UBQLN4: variants seen among roughly 807,000 people sequenced by gnomAD.
UBQLN4 encodes the protein ubiquilin 4.
A neutral mutation model predicts 60.4 loss-of-function variants in UBQLN4; 11 were observed. The ratio of observed to expected loss-of-function variants is 0.18; its 90% CI spans 0.11 to 0.30. The LOEUF is 0.30. Among genes scored for constraint, UBQLN4 ranks in the 10% least tolerant of loss-of-function variants. The pLI is 1.00. For synonymous variants in UBQLN4, 258 were observed against 313.1 expected (o/e 0.82, Z 1.86); for missense variants, 417 against 795.5 (o/e 0.52, Z 5.72).
chr1:156,031,974 ATCAAATATGAACAAGCAGGATTGT>A (rs147767244), downstream of UBQLN4, among the ~76,000 whole-genome samples: 196 of 148,638 alleles, frequency 1.3e-3, 1 homozygote, highest in Non-Finnish European at 2.3e-3. Flanking sequence ...AAACGTATCC[ATCAAATATGAACAAGCAGGATTGT>A]TCAAATATGA....
rs762491082 is a variant in UBQLN4 at position 156,051,903 on chromosome 1, C to T, written c.109-46G>A. ...TCACTGTGGAGGCTGCCTGGACTCC[C>T]CCTACCAGGGACCCTGACTCTTTTT... is the stretch of plus-strand genomic sequence containing the variant. On this transcript the variant is annotated intron_variant, in intron 1 of 10. Coordinates refer to ENST00000368309, the MANE Select transcript of UBQLN4 (RefSeq NM_020131.5). 19 of 1,608,416 alleles carry T rather than the reference C, an allele frequency of 1.2e-5. No homozygotes were observed. In the East Asian group the frequency reaches 2.9e-4, roughly 25 times the overall value.
At chr1:156,031,619 C>T (rs1472027362), downstream of UBQLN4, among the ~76,000 whole-genome samples, 1 of 149,886 alleles carries the variant, frequency 6.7e-6, no homozygotes, top group Non-Finnish European at 1.5e-5. Flanking sequence ...CGCTCTGTCA[C>T]CCAGGTTGGT....
chr1:156,031,967 C>T (rs1046771057), downstream of UBQLN4, among the ~76,000 whole-genome samples: 1 of 82,862 alleles, frequency 1.2e-5, no homozygotes, highest in Non-Finnish European at 2.3e-5. Context: ...AGATAATAAA[C>T]GTATCCATCA....
chr1:156,048,470 C>T lies in UBQLN4; in HGVS notation c.900+31G>A. The T allele has an allele frequency of 6.3e-7, 1 of 1,585,690 alleles. No homozygotes were observed. Among genetic ancestry groups the T allele is most frequent in the South Asian group, 1.1e-5 (1 of 89,808 alleles). ...GGTAGGGAATCTCGAGCCCAGACAG[C>T]CCAACCCACTACCCTGGCCCTTGAT... On this transcript the variant is annotated intron_variant, in intron 5 of 10. Coordinates refer to ENST00000368309, the MANE Select transcript of UBQLN4 (RefSeq NM_020131.5). This position sits in a 1 kb window ranked among gnomAD's most constrained non-coding sequence, Gnocchi z 4.9.
chr1:156,036,797 AAAACCAT>A lies in UBQLN4; in HGVS notation c.*174_*180del, dbSNP rs1043445841. 1 of 1,475,278 alleles carries A rather than the reference AAAACCAT, an allele frequency of 6.8e-7. No individual in the cohort carries two copies. The highest frequency in any genetic ancestry group is 1.4e-5 in the African/African-American group (1 of 71,042). The allele number at this position is 1,475,278 out of a possible 1,614,324, so 91.4% of individuals were successfully genotyped here. On this transcript the variant is annotated 3_prime_UTR_variant, in exon 11 of 11. Coordinates refer to ENST00000368309, the MANE Select transcript of UBQLN4 (RefSeq NM_020131.5). ...AAGAGTCTGTTAGAGACGTAGCAGT[AAAACCAT>A]AATTCTCAGACAGAGCTAAGGGGTT...
At chr1:156,040,000 C>A (rs1422238761) in intron 10 of UBQLN4, among the ~76,000 whole-genome samples, 2 of 149,924 alleles carry the variant, frequency 1.3e-5, no homozygotes, top group East Asian at 4.0e-4. Context: ...GCACCGTCCA[C>A]CTGGTGTTGA....
At position 156,041,440 on chromosome 1, in the gene UBQLN4, G is replaced by A. The variant is rs1023328619; in HGVS notation, c.1653+45C>T. ...TATTGCTTCCCTTGAAACCTCCCAG[G>A]ATCAAAGTGGTGCTCCCAGCACCTG... On this transcript the variant is annotated intron_variant, in intron 10 of 10. Coordinates refer to ENST00000368309, the MANE Select transcript of UBQLN4 (RefSeq NM_020131.5). 5 of 1,476,630 alleles carry A rather than the reference G, an allele frequency of 3.4e-6. No homozygotes were observed. The African/African-American group carries it at 7.1e-5, about 21-fold the overall frequency. 91.5% of individuals were successfully genotyped at this position (1,476,630 alleles called of 1,614,324 possible).
rs535048643 is a variant in UBQLN4, at chr1:156,051,058, C to T, written c.478+52G>A. 5.1e-6 allele frequency: 8 copies of T among 1,565,988 alleles called. No homozygotes were observed. In the South Asian group the frequency reaches 5.7e-5, roughly 11 times the overall value. ...CCTGTTTCTCCCTCCTCTTGGCTTT[C>T]CCCAACTCCCCAACCCCAAACAAGA... On this transcript the variant is annotated intron_variant, in intron 3 of 10. Transcript: ENST00000368309.
At position 156,050,154 on chromosome 1, in the gene UBQLN4, T is replaced by C. The variant is rs1683830279; in HGVS notation, c.741+137A>G. 1 of 1,235,950 alleles carries C rather than the reference T, an allele frequency of 8.1e-7. No homozygotes were observed. The highest frequency in any genetic ancestry group is 1.1e-6 in the Non-Finnish European group (1 of 926,730). 76.6% of individuals were successfully genotyped at this position (1,235,950 alleles called of 1,614,324 possible). A position where few individuals can be genotyped will look rare whatever the true frequency, so the allele number is the denominator to read the frequency against. On this transcript the variant is annotated intron_variant, in intron 4 of 10. Transcript: ENST00000368309. This position sits in a 1 kb window ranked among gnomAD's most constrained non-coding sequence, Gnocchi z 4.6. Reference sequence around the variant, plus strand: ...AATTCCTGAAAAGCTAGGCCTGTCTTTTCATCCCTGTACCTCCAGTGTTCA... The same window carrying C: ...AATTCCTGAAAAGCTAGGCCTGTCTCTTCATCCCTGTACCTCCAGTGTTCA...
At chr1:156,039,605 G>C (rs1206673706) in intron 10 of UBQLN4, among the ~76,000 whole-genome samples, 2 of 152,016 alleles carry the variant, frequency 1.3e-5, no homozygotes, top group Non-Finnish European at 2.9e-5. Flanking sequence ...GTTTGCCCAA[G>C]GGGTATTTGG....
chr1:156,040,203 G>T (rs1683522254), intron 10 of UBQLN4, among the ~76,000 whole-genome samples: 1 of 151,352 alleles, frequency 6.6e-6, no homozygotes, highest in East Asian at 2.0e-4. Context: ...AGACCAGCCT[G>T]GACAACATGG....
In UBQLN4 at chr1:156,042,755, C is replaced by G. The variant is rs1683602004; in HGVS notation, c.1266+19G>C. ...GGAACTCTCTCCCCAACAATACTCTCCTCATGCTGGTTTCATACCTGAGCA... is the reference window on the plus strand; with the variant it reads ...GGAACTCTCTCCCCAACAATACTCTGCTCATGCTGGTTTCATACCTGAGCA... On this transcript the variant is annotated intron_variant, in intron 7 of 10. Coordinates refer to ENST00000368309, the MANE Select transcript of UBQLN4 (RefSeq NM_020131.5). 2 of 1,612,676 alleles carry G rather than the reference C, an allele frequency of 1.2e-6. No individual in the cohort carries two copies. Among genetic ancestry groups the G allele is most frequent in the Admixed American group, 1.7e-5 (1 of 59,954 alleles).
At chr1:156,041,774 C>A in intron 9 of UBQLN4, 98 bp downstream of exon 9, 1 of 1,452,046 alleles carries the variant, frequency 6.9e-7, no homozygotes, top group Non-Finnish European at 9.2e-7. Context: ...GAAAACAGAC[C>A]CTCAGAGACA....
At position 156,041,995 on chromosome 1, in the gene UBQLN4, G is replaced by A; in HGVS notation, c.1351-8C>T. 6.2e-7 allele frequency: 1 copy of A among 1,614,038 alleles called. No homozygotes were observed. Among genetic ancestry groups the A allele is most frequent in the Non-Finnish European group, 8.5e-7 (1 of 1,179,956 alleles). On this transcript the variant is annotated splice_polypyrimidine_tract_variant and splice_region_variant and intron_variant, in intron 8 of 10. Coordinates refer to ENST00000368309, the MANE Select transcript of UBQLN4 (RefSeq NM_020131.5). ...TGACTCTGGGTTCTGCATCTGGTGG[G>A]AAATAAGCAGAGAAAGGCATCAAGA...
At chr1:156,046,017 T>C (rs530315332) in intron 5 of UBQLN4, among the ~76,000 whole-genome samples, 12 of 151,902 alleles carry the variant, frequency 7.9e-5, no homozygotes, top group African/African-American at 2.9e-4. Context: ...GGCTAAGTTT[T>C]GTATTTTTAG....
At chr1:156,042,716 G>A (rs1442709059) in intron 7 of UBQLN4, 58 bp downstream of exon 7, 2 of 1,591,600 alleles carry the variant, frequency 1.3e-6, no homozygotes, top group Admixed American at 1.7e-5. Context: ...ACAAGAAACT[G>A]CCCCCAACCA....
intron 10 of UBQLN4, among the ~76,000 whole-genome samples, chr1:156,040,253 G>A (rs187158899): frequency 3.2e-4 from 48 of 151,808 alleles, no homozygotes; most frequent in Admixed American, 6.6e-4. Context: ...AAAATTAGCC[G>A]GGTGTGGTGG....
chr1:156,032,067 G>GTT (rs371900028), downstream of UBQLN4, among the ~76,000 whole-genome samples: 4 of 147,346 alleles, frequency 2.7e-5, no homozygotes, highest in African/African-American at 1.0e-4. Context: ...TCCAAAATGA[G>GTT]TTTTTTTTTT....
Position 156,051,136 on chromosome 1 carries a change from G to A in UBQLN4, c.452C>T (p.Ser151Phe), listed in dbSNP as rs1683857435. The A allele has an allele frequency of 6.2e-7, 1 of 1,613,320 alleles. No individual in the cohort carries two copies. The highest frequency in any genetic ancestry group is 8.5e-7 in the Non-Finnish European group (1 of 1,179,660). Reference protein sequence around the residue: ...GGPSPGAGEGSPSATASILSG... With the variant: ...GGPSPGAGEGFPSATASILSG... ...GAGTATGGACGCAGTAGCACTGGGG[G>A]ATCCCTCCCCAGCCCCCGGAGAGGG... Residue 151 changes from serine (S) to phenylalanine (F), a missense_variant, in exon 3 of 11, where the codon TCC becomes TTC. Ser to Phe is a radical substitution (Grantham distance 155). Transcript: ENST00000368309.
Sources: gnomAD v4.1 joint callset for allele counts (sites outside exome capture counted in the v4.1 genomes callset) on GRCh38, gnomAD v4.1.1 for gene constraint, Gnocchi (gnomAD v3.1) non-coding constraint, MANE v1.5 for transcripts, NCBI Gene and HGNC (gene_info 2026-07-23, HGNC 2026-07-21) for gene names.